Variants in AP3B1 observed in about 807,000 individuals in gnomAD.
AP3B1 encodes the protein AP-3 complex subunit beta-1.
Under a neutral mutation model 132.5 loss-of-function variants are expected in AP3B1, and 61 were observed. The observed-to-expected ratio is 0.46, with a 90% CI of 0.37 to 0.57. The LOEUF is 0.57. Among genes scored for constraint, AP3B1 ranks in the 20% least tolerant of loss-of-function variants. AP3B1 has a pLI of 0.00. For synonymous variants in AP3B1, 388 were observed against 438.3 expected, an observed-to-expected ratio of 0.89 and a Z score of 1.43; for missense variants, 1,120 against 1,289.4, an observed-to-expected ratio of 0.87 and a Z score of 2.01.
At chr5:78,031,962 G>A (rs369292045) in intron 24 of AP3B1, among the ~76,000 whole-genome samples, 2 of 152,218 alleles carry the variant, frequency 1.3e-5, no homozygotes, top group Non-Finnish European at 2.9e-5. Flanking sequence ...TGCCTGTGGG[G>A]GATGAGGATC....
chr5:78,176,063 C>T (rs1282016876), intron 9 of AP3B1, among the ~76,000 whole-genome samples: 1 of 152,066 alleles, frequency 6.6e-6, no homozygotes, highest in African/African-American at 2.4e-5. Context: ...ATAGTTAAAA[C>T]AAATTTTATA....
At chr5:78,273,889 AC>A (rs1210912184) in intron 1 of AP3B1, among the ~76,000 whole-genome samples, 2 of 152,002 alleles carry the variant, frequency 1.3e-5, no homozygotes, top group Non-Finnish European at 2.9e-5. Flanking sequence ...AAAAACAAAA[AC>A]AAAAACCCAG....
intron 8 of AP3B1, among the ~76,000 whole-genome samples, chr5:78,179,425 C>G (rs894185926): frequency 3.3e-5 from 5 of 152,048 alleles, no homozygotes; most frequent in African/African-American, 1.2e-4. Flanking sequence ...CCTCTTTTTC[C>G]TCGGTATTTA....
At chr5:78,267,216 A>G (rs143283760) in intron 2 of AP3B1, among the ~76,000 whole-genome samples, 2 of 152,220 alleles carry the variant, frequency 1.3e-5, no homozygotes, top group African/African-American at 4.8e-5. Context: ...AATAGCTTGT[A>G]TATCATCTTA....
At chr5:78,013,999 T>A (rs1746741049) in intron 26 of AP3B1, among the ~76,000 whole-genome samples, 1 of 152,050 alleles carries the variant, frequency 6.6e-6, no homozygotes, top group Non-Finnish European at 1.5e-5. Context: ...CCGTCTCTAC[T>A]AAAAATACAA....
intron 7 of AP3B1, among the ~76,000 whole-genome samples, chr5:78,182,861 A>G (rs1744427341): frequency 6.6e-6 from 1 of 152,206 alleles, no homozygotes; most frequent in South Asian, 2.1e-4. Context: ...GATGGGATTG[A>G]GAGTTTCATC....
At chr5:78,100,818 T>C (rs1751092326) in intron 21 of AP3B1, 135 bp downstream of exon 21, 1 of 569,654 alleles carries the variant, frequency 1.8e-6, no homozygotes, top group African/African-American at 1.9e-5. Flanking sequence ...TTTCCAAAAC[T>C]TTCTTGCCTT....
intron 7 of AP3B1, among the ~76,000 whole-genome samples, chr5:78,193,689 T>C (rs1363384437): frequency 6.8e-6 from 1 of 146,246 alleles, no homozygotes; most frequent in African/African-American, 2.5e-5. Flanking sequence ...TATTTACATA[T>C]ATATTTTTAA....
rs928864823 is a variant in AP3B1, at chr5:78,002,436, A to G, written c.*466T>C. 4.0e-5 allele frequency: 16 copies of G among 404,086 alleles called. No homozygotes were observed. The highest frequency in any genetic ancestry group is 7.0e-5 in the Non-Finnish European group (16 of 229,690). The allele number at this position is 404,086 out of a possible 1,614,324, so 25.0% of individuals were successfully genotyped here. A position where few individuals can be genotyped will look rare whatever the true frequency, so the allele number is the denominator to read the frequency against. ...AAATTCAAAGAACAAAATCTTGCAG[A>G]GACTATGCTTTTGTATTTGGATTTA... On this transcript the variant is annotated 3_prime_UTR_variant, in exon 27 of 27. Coordinates refer to ENST00000255194, the MANE Select transcript of AP3B1 (RefSeq NM_003664.5).
At chr5:78,003,524 A>C (rs1746268367) in intron 26 of AP3B1, 1 of 586,056 alleles carries the variant, frequency 1.7e-6, no homozygotes, top group African/African-American at 2.0e-5. Flanking sequence ...AAGTTAGATA[A>C]TTTTACGTAC....
rs191190964 is a variant in AP3B1 at position 78,145,884 on chromosome 5, G to T, written c.1474-4565C>A. Among the ~76,000 whole-genome samples the T allele has an allele frequency of 3.3e-5, 5 of 152,308 alleles. No homozygotes were observed. In the East Asian group the frequency reaches 7.7e-4, roughly 24 times the overall value. ...ACTTCTGTTCTCTCTCCTTCCAGAA[G>T]AAAGATGGACCCAGGATTCTGCCCT... On this transcript the variant is annotated intron_variant, in intron 14 of 26. Transcript: ENST00000255194.
At position 78,110,943 on chromosome 5, in the gene AP3B1, A is replaced by G. The variant is rs548173278; in HGVS notation, c.2250-589T>C. On this transcript the variant is annotated intron_variant, in intron 19 of 26. Transcript: ENST00000255194. ...CCAGCTAATTTTATATTTTTTGTAGAGACAGGGTCTCACTAGGTTGCCTAG... is the reference window on the plus strand; with the variant it reads ...CCAGCTAATTTTATATTTTTTGTAGGGACAGGGTCTCACTAGGTTGCCTAG... Among the ~76,000 whole-genome samples the G allele has an allele frequency of 1.4e-3, 214 of 152,092 alleles. 2 individuals are homozygous for G. The highest frequency in any genetic ancestry group is 5.0e-3 in the African/African-American group (206 of 41,456).
intron 3 of AP3B1, among the ~76,000 whole-genome samples, chr5:78,239,077 A>G (rs897073283): frequency 6.6e-6 from 1 of 152,090 alleles, no homozygotes; most frequent in African/African-American, 2.4e-5. Flanking sequence ...TTTTTTTATA[A>G]TAAAAAGGTC....
chr5:78,043,733 C>T, intron 22 of AP3B1: 1 of 411,188 alleles, frequency 2.4e-6, no homozygotes, highest in Non-Finnish European at 4.8e-6. Flanking sequence ...ACTTTCTCTG[C>T]CACAAGGTAG....
At chr5:78,235,673 GTTAC>G (rs1746846730) in intron 3 of AP3B1, among the ~76,000 whole-genome samples, 1 of 152,134 alleles carries the variant, frequency 6.6e-6, no homozygotes, top group South Asian at 2.1e-4. Context: ...TCTCTGATCG[GTTAC>G]TTTCATTCAA....
chr5:78,199,124 C>T (rs1201303899), intron 7 of AP3B1, among the ~76,000 whole-genome samples: 3 of 152,138 alleles, frequency 2.0e-5, no homozygotes, highest in African/African-American at 2.4e-5. Flanking sequence ...TATAGAAACA[C>T]CTGTGCACAG....
chr5:78,043,882 T>G (rs1317909940), intron 22 of AP3B1: 1 of 354,432 alleles, frequency 2.8e-6, no homozygotes, highest in Non-Finnish European at 5.5e-6. Context: ...AAGGCTGATC[T>G]CCTAATTTGG....
At chr5:78,229,138 C>T (rs183111164) in intron 3 of AP3B1, among the ~76,000 whole-genome samples, 20 of 152,052 alleles carry the variant, frequency 1.3e-4, no homozygotes, top group African/African-American at 4.6e-4. Context: ...TCCTATGTTG[C>T]CTACCCAGGC....
At chr5:78,197,333 T>C (rs1745115945) in intron 7 of AP3B1, among the ~76,000 whole-genome samples, 1 of 152,104 alleles carries the variant, frequency 6.6e-6, no homozygotes. Flanking sequence ...CTCTAAAACA[T>C]TCACTTTCAG....
Sources: allele counts gnomAD v4.1 joint callset (sites outside exome capture counted in the v4.1 genomes callset), GRCh38; gene constraint gnomAD v4.1.1; transcripts MANE v1.5; gene names NCBI Gene and HGNC (gene_info 2026-07-23, HGNC 2026-07-21).